RBFA: variants seen among roughly 807,000 people sequenced by gnomAD.
The protein encoded by RBFA is putative ribosome-binding factor A, mitochondrial.
A neutral mutation model predicts 27.9 loss-of-function variants in RBFA; 16 were observed. The observed-to-expected ratio is 0.57, with a 90% CI of 0.39 to 0.87. The LOEUF is 0.87. Ranked by LOEUF, RBFA falls within the 40% of genes least tolerant of loss-of-function variation. RBFA has a pLI of 0.00. For missense variants in RBFA, 456 were observed against 432.1 expected (o/e 1.06, Z -0.49); for synonymous variants, 181 against 181.0 (o/e 1.00, Z 0.00).
intron 3 of RBFA, 78 bp downstream of exon 3, chr18:80,037,584 TGACA>T (rs904547768): frequency 7.3e-7 from 1 of 1,367,104 alleles, no homozygotes; most frequent in African/African-American, 1.5e-5. Flanking sequence ...CAGTCTTGCC[TGACA>T]ATTAAAAAAA....
At chr18:80,044,088 AAG>A in intron 5 of RBFA, 122 bp from the exon 6 acceptor site, 1 of 812,494 alleles carries the variant, frequency 1.2e-6, no homozygotes, top group Admixed American at 1.8e-5. Flanking sequence ...GAGTCGGTGG[AAG>A]GAATTGTGCA....
intron 5 of RBFA, among the ~76,000 whole-genome samples, chr18:80,043,894 C>G (rs1430459607): frequency 6.6e-6 from 1 of 152,206 alleles, no homozygotes. Context: ...ACCTTAGAAA[C>G]CAGTTAATGG....
In RBFA at chr18:80,049,093, G is replaced by A. The variant is rs1023744793; in HGVS notation, c.*2938G>A. ...CCTGTTTCTGGCGTGGCCTTCCCTGGGAGCGAGTTAGGGACACGGAAGCTC... is the reference window on the plus strand; with the variant it reads ...CCTGTTTCTGGCGTGGCCTTCCCTGAGAGCGAGTTAGGGACACGGAAGCTC... On this transcript the variant is annotated 3_prime_UTR_variant, in exon 7 of 7. Coordinates refer to ENST00000306735, the MANE Select transcript of RBFA (RefSeq NM_024805.3). Among the ~76,000 whole-genome samples, 1 of 152,208 alleles carries A rather than the reference G, an allele frequency of 6.6e-6. No homozygotes were observed. The highest frequency in any genetic ancestry group is 1.5e-5 in the Non-Finnish European group (1 of 68,028).
rs761918609 is a variant in RBFA at position 80,036,709 on chromosome 18, C to T, written c.200C>T (p.Ser67Leu). ...WYESPSLGSH[S>L]TYKPSKLEFL... ...GAAAGTCCTTCCTTGGGTTCTCACT[C>T]GGTGAGTATAAGCCATGAGCCACTT... Residue 67 changes from serine (S) to leucine (L), a missense_variant and splice_region_variant, in exon 2 of 7, where the codon TCG becomes TTG. Physicochemically the swap from Ser to Leu is moderately radical, Grantham distance 145. Coordinates refer to ENST00000306735, the MANE Select transcript of RBFA (RefSeq NM_024805.3). 4.3e-5 allele frequency: 69 copies of T among 1,610,656 alleles called. No individual in the cohort carries two copies. The highest frequency in any genetic ancestry group is 7.7e-5 in the South Asian group (7 of 90,810).
At position 80,046,977 on chromosome 18, in the gene RBFA, A is replaced by G. The variant is rs892621934; in HGVS notation, c.*822A>G. Reference sequence around the variant, plus strand: ...GTTTTGCTGTTTATCAGAAGAGAAAACACAGATTCCATACCTTGTCAGCTC... The same window carrying G: ...GTTTTGCTGTTTATCAGAAGAGAAAGCACAGATTCCATACCTTGTCAGCTC... On this transcript the variant is annotated 3_prime_UTR_variant, in exon 7 of 7. Transcript: ENST00000306735. 1 of 152,316 alleles carries G rather than the reference A, an allele frequency of 6.6e-6. No homozygotes were observed. Among genetic ancestry groups the G allele is most frequent in the Non-Finnish European group, 1.5e-5 (1 of 68,030 alleles). 9.4% of individuals were successfully genotyped at this position (152,316 alleles called of 1,614,324 possible).
chr18:80,037,021 G>T (rs968749133), intron 2 of RBFA, among the ~76,000 whole-genome samples: 1 of 152,184 alleles, frequency 6.6e-6, no homozygotes, highest in East Asian at 1.9e-4. Flanking sequence ...AATACATCAC[G>T]TTTCCAAAAA....
Position 80,046,321 on chromosome 18 carries a change from C to T in RBFA, c.*166C>T. On this transcript the variant is annotated 3_prime_UTR_variant, in exon 7 of 7. Transcript: ENST00000306735. ...TAAACACAATTTGCTACACAAGTCACTGTTTTTTTTTCCATGCACTGTGTG... is the reference window on the plus strand; with the variant it reads ...TAAACACAATTTGCTACACAAGTCATTGTTTTTTTTTCCATGCACTGTGTG... 3 of 770,978 alleles carry T rather than the reference C, an allele frequency of 3.9e-6. 1 individual carries two copies. The South Asian group carries it at 5.8e-5, about 15-fold the overall frequency. 47.8% of individuals were successfully genotyped at this position (770,978 alleles called of 1,614,324 possible).
Position 80,044,259 on chromosome 18 carries a change from A to C in RBFA, c.624A>C (p.Arg208Ser), listed in dbSNP as rs1210413312. 1.2e-6 allele frequency: 2 copies of C among 1,614,192 alleles called. No individual in the cohort carries two copies. The highest frequency in any genetic ancestry group is 3.3e-5 in the Admixed American group (2 of 60,030). The change falls in exon 6 of 7, where the codon AGA becomes AGC. Residue 208 changes from arginine (R) to serine (S), a missense_variant. Physicochemically the swap from Arg to Ser is moderately radical, Grantham distance 110. Transcript: ENST00000306735. ...CAGACTTTGGACCCCGGGATGAAAGAGACAACTTTGTACAAAATGATTTCA... is the reference window on the plus strand; with the variant it reads ...CAGACTTTGGACCCCGGGATGAAAGCGACAACTTTGTACAAAATGATTTCA... ...AVADFGPRDE[R>S]DNFVQNDFRD...
Position 80,034,529 on chromosome 18 carries a change from C to T in RBFA, c.34C>T (p.Arg12Cys), listed in dbSNP as rs777509315. 2.6e-5 allele frequency: 41 copies of T among 1,588,888 alleles called. No homozygotes were observed. In the East Asian group the frequency reaches 8.2e-4, roughly 32 times the overall value. Residue 12 changes from arginine (R) to cysteine (C), a missense_variant, in exon 1 of 7, where the codon CGC becomes TGC. Physicochemically the swap from Arg to Cys is radical, Grantham distance 180. Transcript: ENST00000306735. Reference sequence around the variant, plus strand: ...TGCGGCGGGCGGGCTGTGGCGCTCCCGCGCGGGTCTCCGGGCCCTGTTCCG... The same window carrying T: ...TGCGGCGGGCGGGCTGTGGCGCTCCTGCGCGGGTCTCCGGGCCCTGTTCCG... ...WAAAGGLWRS[R>C]AGLRALFRSR...
At chr18:80,043,055 G>GGTCT (rs2052027353) in intron 5 of RBFA, among the ~76,000 whole-genome samples, 1 of 152,104 alleles carries the variant, frequency 6.6e-6, no homozygotes, top group African/African-American at 2.4e-5. Context: ...ATGAGACTTA[G>GGTCT]GTCTGTCCTG....
At chr18:80,034,840 T>C in intron 1 of RBFA, 187 bp downstream of exon 1, 1 of 601,200 alleles carries the variant, frequency 1.7e-6, no homozygotes, top group South Asian at 2.6e-5. Flanking sequence ...CGTGGACGTG[T>C]GTCGGGTTAA....
At chr18:80,041,570 C>T (rs1034325621) in intron 4 of RBFA, 8 of 152,228 alleles carry the variant, frequency 5.3e-5, no homozygotes, top group African/African-American at 1.7e-4. Flanking sequence ...GTTATTTGTA[C>T]AGATCGCACA....
At chr18:80,038,789 A>G (rs1049077101) in intron 4 of RBFA, among the ~76,000 whole-genome samples, 172 bp downstream of exon 4, 2 of 152,244 alleles carry the variant, frequency 1.3e-5, no homozygotes, top group Non-Finnish European at 2.9e-5. Context: ...TGTATAAGCT[A>G]TAATGTAGGT....
Position 80,037,690 on chromosome 18 carries a change from C to T in RBFA, c.378+184C>T, listed in dbSNP as rs536918345. On this transcript the variant is annotated intron_variant, in intron 3 of 6. Coordinates refer to ENST00000306735, the MANE Select transcript of RBFA (RefSeq NM_024805.3). ...GGATCACGAGGCCAGGAGATTGAGACGATCCTGGCTAACACAGTGAAATCC... is the reference window on the plus strand; with the variant it reads ...GGATCACGAGGCCAGGAGATTGAGATGATCCTGGCTAACACAGTGAAATCC... 1.2e-4 allele frequency among the ~76,000 whole-genome samples: 18 copies of T among 152,272 alleles called. No homozygotes were observed. In the South Asian group the frequency reaches 3.3e-3, roughly 28 times the overall value.
At chr18:80,042,816 A>C (rs2052025545) in intron 5 of RBFA, among the ~76,000 whole-genome samples, 1 of 151,950 alleles carries the variant, frequency 6.6e-6, no homozygotes, top group Non-Finnish European at 1.5e-5. Context: ...AATGAAAAGT[A>C]ATGAAAGAAA....
rs985964317 is a variant in RBFA, at chr18:80,034,556, A to T, written c.61A>T (p.Ser21Cys). ...SRAGLRALFRSRDAALFPGCE... is the reference protein window; with the variant it reads ...SRAGLRALFRCRDAALFPGCE... ...CGCGGGTCTCCGGGCCCTGTTCCGT[A>T]GCCGCGATGCTGCGCTATTTCCAGG... The change falls in exon 1 of 7, where the codon AGC (serine) becomes TGC (cysteine). Residue 21 changes from serine (S) to cysteine (C), a missense_variant. Physicochemically the swap from Ser to Cys is moderately radical, Grantham distance 112. Transcript: ENST00000306735. The T allele has an allele frequency of 6.2e-7, 1 of 1,608,516 alleles. No homozygotes were observed. Among genetic ancestry groups the T allele is most frequent in the Non-Finnish European group, 8.5e-7 (1 of 1,178,874 alleles).
intron 1 of RBFA, chr18:80,036,016 G>T (rs2145141030): frequency 6.6e-6 from 1 of 152,288 alleles, no homozygotes; most frequent in East Asian, 1.9e-4. Context: ...TCTCCAAGAA[G>T]CCCTCGTTCC....
chr18:80,048,821 TCAG>T lies in RBFA; in HGVS notation c.*2668_*2670del, dbSNP rs1568391791. On this transcript the variant is annotated 3_prime_UTR_variant, in exon 7 of 7. Coordinates refer to ENST00000306735, the MANE Select transcript of RBFA (RefSeq NM_024805.3). ...CGTTTGCAGGGGATCCAACCAGGCG[TCAG>T]CTCAGTGCCTCCTAGAAAGTGGAGT... Among the ~76,000 whole-genome samples, 19 of 145,386 alleles carry T rather than the reference TCAG, an allele frequency of 1.3e-4. No individual in the cohort carries two copies. Among genetic ancestry groups the T allele is most frequent in the African/African-American group, 3.3e-4 (12 of 36,312 alleles).
In RBFA at chr18:80,048,598, A is replaced by G. The variant is rs538669493; in HGVS notation, c.*2443A>G. ...GGAGTGGGCAGAGGGAATGGAAGGT[A>G]GAGTTAGGCCCAGAGAGCCCCAGGC... On this transcript the variant is annotated 3_prime_UTR_variant, in exon 7 of 7. Transcript: ENST00000306735. 8.8e-4 allele frequency among the ~76,000 whole-genome samples: 134 copies of G among 152,336 alleles called. 1 individual carries two copies. The Middle Eastern group carries it at 0.024, about 27-fold the overall frequency.
Sources: allele counts gnomAD v4.1 joint callset (sites outside exome capture counted in the v4.1 genomes callset), GRCh38; gene constraint gnomAD v4.1.1; transcripts MANE v1.5; gene names NCBI Gene and HGNC (gene_info 2026-07-23, HGNC 2026-07-21).